ITPR1: variants seen among roughly 807,000 people sequenced by gnomAD.
The protein encoded by ITPR1 is inositol 1,4,5-trisphosphate receptor type 1, also known as inositol 1,4,5-trisphosphate-gated calcium channel ITPR1.
In ITPR1, 96 loss-of-function variants were observed where a neutral mutation model predicts 318.4. The observed-to-expected ratio is 0.30, with a 90% CI of 0.26 to 0.36. The LOEUF (loss-of-function observed/expected upper bound fraction) is 0.36, where lower values mean the gene tolerates loss of function less well. ITPR1 is among the 10% of genes least tolerant of loss of function. The pLI, the probability that ITPR1 is intolerant of heterozygous loss-of-function variation, is 1.00. For synonymous variants in ITPR1, 1,312 were observed against 1,289.9 expected (o/e 1.02, Z -0.37); for missense variants, 2,440 against 3,460.2 (o/e 0.71, Z 7.40).
At chr3:4,514,397 A>AT (rs2082043055) in intron 2 of ITPR1, among the ~76,000 whole-genome samples, 1 of 152,234 alleles carries the variant, frequency 6.6e-6, no homozygotes, top group Non-Finnish European at 1.5e-5. Context: ...TGCAATGATC[A>AT]GCTGCAAGCA....
chr3:4,725,090 G>A (rs2042411167), intron 40 of ITPR1, among the ~76,000 whole-genome samples: 1 of 152,066 alleles, frequency 6.6e-6, no homozygotes. Flanking sequence ...AAACCCACAG[G>A]AGACATGTGG....
intron 54 of ITPR1, among the ~76,000 whole-genome samples, chr3:4,804,602 G>C (rs959939242): frequency 6.6e-6 from 1 of 152,154 alleles, no homozygotes; most frequent in African/African-American, 2.4e-5. Flanking sequence ...TTGTTAAGTT[G>C]GCAGGATCTG....
chr3:4,674,421 G>C, intron 22 of ITPR1, 78 bp downstream of exon 22: 1 of 1,246,122 alleles, frequency 8.0e-7, no homozygotes, highest in Non-Finnish European at 1.1e-6. Flanking sequence ...TAGAAAATAT[G>C]TGAGTAGGTT....
chr3:4,591,043 C>G (rs1488445433), intron 4 of ITPR1, among the ~76,000 whole-genome samples: 1 of 152,224 alleles, frequency 6.6e-6, no homozygotes, highest in African/African-American at 2.4e-5. Flanking sequence ...CGTGTTCCCG[C>G]AAAAGACATG....
chr3:4,767,017 A>C (rs1387762048), intron 45 of ITPR1, among the ~76,000 whole-genome samples: 2 of 152,240 alleles, frequency 1.3e-5, no homozygotes, highest in Non-Finnish European at 2.9e-5. Flanking sequence ...TGAGGGAAAT[A>C]CGTATTTTAA....
At chr3:4,639,295 A>G (rs1038526754) in intron 5 of ITPR1, 89 bp from the exon 6 acceptor site, 16 of 987,066 alleles carry the variant, frequency 1.6e-5, no homozygotes, top group Middle Eastern at 4.1e-4. Flanking sequence ...TGGTTCTTGT[A>G]TGAACTGGCG....
intron 44 of ITPR1, among the ~76,000 whole-genome samples, chr3:4,746,379 G>C (rs1053028823): frequency 6.6e-6 from 1 of 152,136 alleles, no homozygotes; most frequent in African/African-American, 2.4e-5. Context: ...ACTCCCCTAC[G>C]CTTATTGTCC....
intron 4 of ITPR1, among the ~76,000 whole-genome samples, chr3:4,524,032 G>C (rs2082771450): frequency 6.6e-6 from 1 of 152,176 alleles, no homozygotes; most frequent in African/African-American, 2.4e-5. Context: ...AAAAATAAAG[G>C]TTTCTGGGTT....
chr3:4,839,335 A>C (rs1022934730), intron 61 of ITPR1, among the ~76,000 whole-genome samples: 2 of 152,228 alleles, frequency 1.3e-5, no homozygotes, highest in East Asian at 1.9e-4. Context: ...CTCAAAAAAA[A>C]AAAAAGAATA....
intron 33 of ITPR1, among the ~76,000 whole-genome samples, chr3:4,695,385 T>A (rs2094541504): frequency 6.6e-6 from 1 of 151,934 alleles, no homozygotes; most frequent in Non-Finnish European, 1.5e-5. Flanking sequence ...AGCATTAGTT[T>A]GTTTTTTACT....
At chr3:4,614,559 C>T (rs1423724334) in intron 4 of ITPR1, among the ~76,000 whole-genome samples, 1 of 152,152 alleles carries the variant, frequency 6.6e-6, no homozygotes, top group African/African-American at 2.4e-5. Flanking sequence ...GATAATTTTC[C>T]CCCAAATCAT....
chr3:4,663,353 A>G (rs2093878694), intron 16 of ITPR1, 147 bp downstream of exon 16: 1 of 598,948 alleles, frequency 1.7e-6, no homozygotes, highest in Non-Finnish European at 2.8e-6. Flanking sequence ...CAGTGAGCTG[A>G]TCGCATCACT....
rs1195918323 is a variant in ITPR1, at chr3:4,688,532, C to A, written c.3740C>A (p.Ala1247Asp). The A allele has an allele frequency of 6.2e-7, 1 of 1,614,026 alleles. No individual in the cohort carries two copies. Among genetic ancestry groups the A allele is most frequent in the Admixed American group, 1.7e-5 (1 of 60,024 alleles). The change falls in exon 31 of 62, where the codon GCT (alanine) becomes GAT (aspartate). Residue 1247 changes from alanine to aspartate, a missense_variant. Around this residue, in one of 23 missense-constraint regions of ITPR1, gnomAD observed 222 missense variants for 318.8 expected, o/e 0.70. Transcript: ENST00000649015. ...DTKMQEIMRL[A>D]HEFLQNFCAG... ...AAGATGCAAGAGATAATGAGGTTGG[C>A]TCATGAATTTTTGCAGAATTTCTGC...
intron 5 of ITPR1, among the ~76,000 whole-genome samples, chr3:4,633,467 T>A (rs1318792273): frequency 6.6e-6 from 1 of 152,192 alleles, no homozygotes; most frequent in African/African-American, 2.4e-5. Flanking sequence ...AGCACCCCAA[T>A]CAGAAGTCAG....
chr3:4,540,610 CAG>C (rs1288852145), intron 4 of ITPR1, among the ~76,000 whole-genome samples: 1 of 151,944 alleles, frequency 6.6e-6, no homozygotes, highest in Non-Finnish European at 1.5e-5. Flanking sequence ...GTGTTTGAGA[CAG>C]GGTCTCACTC....
intron 4 of ITPR1, among the ~76,000 whole-genome samples, chr3:4,607,341 CAG>C (rs2091773271): frequency 6.6e-6 from 1 of 152,258 alleles, no homozygotes; most frequent in Non-Finnish European, 1.5e-5. Flanking sequence ...CAGTGTTTCT[CAG>C]AGTGTGGTTG....
chr3:4,533,232 A>C (rs1292419068), intron 4 of ITPR1, among the ~76,000 whole-genome samples: 1 of 152,204 alleles, frequency 6.6e-6, no homozygotes, highest in Non-Finnish European at 1.5e-5. Context: ...AAATAGAAAA[A>C]AACAATAGCT....
intron 60 of ITPR1, chr3:4,831,039 C>T: frequency 6.6e-6 from 3 of 456,124 alleles, no homozygotes; most frequent in Non-Finnish European, 1.3e-5. Flanking sequence ...AAAAAAATAC[C>T]CCACTTCTCA....
At chr3:4,692,028 C>T (rs1473191595) in intron 32 of ITPR1, among the ~76,000 whole-genome samples, 2 of 152,018 alleles carry the variant, frequency 1.3e-5, no homozygotes, top group African/African-American at 4.8e-5. Context: ...GTGGCATGTG[C>T]CCATAATCCC....
Sources: gnomAD v4.1 joint callset for allele counts (sites outside exome capture counted in the v4.1 genomes callset) on GRCh38, gnomAD v4.1.1 for gene constraint, gnomAD v4.1.1 regional missense constraint, MANE v1.5 for transcripts, NCBI Gene and HGNC (gene_info 2026-07-23, HGNC 2026-07-21) for gene names.